Variants in RADIL observed in about 807,000 individuals in gnomAD.
The protein encoded by RADIL is Rap associating with DIL domain.
Under a neutral mutation model 97.6 loss-of-function variants are expected in RADIL, and 99 were observed. That is an observed-to-expected ratio of 1.01 (90% CI 0.86 to 1.20). The LOEUF is 1.20. Ranked by LOEUF, RADIL falls within the 50% of genes most tolerant of loss-of-function variation. RADIL has a pLI of 0.00. For synonymous variants in RADIL, 803 were observed against 691.8 expected, an observed-to-expected ratio of 1.16 and a Z score of -2.52; for missense variants, 1,765 against 1,498.9, an observed-to-expected ratio of 1.18 and a Z score of -2.93.
chr7:4,810,654 T>A (rs555883500), intron 9 of RADIL, among the ~76,000 whole-genome samples: 1 of 152,278 alleles, frequency 6.6e-6, no homozygotes, highest in Admixed American at 6.5e-5. Context: ...AGCATCTCCG[T>A]CGGGGAAATT....
Position 4,801,670 on chromosome 7 carries a change from C to A in RADIL, c.2825G>T (p.Arg942Leu). 1 of 1,601,226 alleles carries A rather than the reference C, an allele frequency of 6.2e-7. No homozygotes were observed. The highest frequency in any genetic ancestry group is 2.3e-5 in the East Asian group (1 of 44,200). ...GGGCTCACCTTCCGGAGCTGCACCC[C>A]GGAGGCCGCTGAGTCCGTTCCTCTG... The part of the protein sequence containing the change: ...ERQRNGLSGL[R>L]GAAPEGDSAA... The change falls in exon 12 of 15, where the codon CGG becomes CTG. Residue 942 changes from arginine (R) to leucine (L), a missense_variant. Coordinates refer to ENST00000399583, the MANE Select transcript of RADIL (RefSeq NM_018059.5).
At chr7:4,800,524 G>T (rs59386173) in intron 12 of RADIL, among the ~76,000 whole-genome samples, 16,378 of 152,168 alleles carry the variant, frequency 0.11, 1,275 homozygotes, top group African/African-American at 0.22. Flanking sequence ...CCCTGAGGGA[G>T]CACCTCAGTC....
chr7:4,850,409 A>G (rs929935893), intron 2 of RADIL, among the ~76,000 whole-genome samples: 2 of 152,186 alleles, frequency 1.3e-5, no homozygotes, highest in African/African-American at 4.8e-5. Context: ...GCATGGCAGA[A>G]GAGATTCTGC....
At chr7:4,812,701 T>A (rs1464976238) in intron 9 of RADIL, among the ~76,000 whole-genome samples, 3 of 152,094 alleles carry the variant, frequency 2.0e-5, no homozygotes, top group African/African-American at 7.2e-5. Context: ...GCATTACAGG[T>A]GTAAGCCACC....
intron 5 of RADIL, among the ~76,000 whole-genome samples, chr7:4,827,525 G>C (rs1783025776): frequency 6.6e-6 from 1 of 152,004 alleles, no homozygotes; most frequent in African/African-American, 2.4e-5. Context: ...GCCGGGCGTG[G>C]TTGCAGGCGC....
Position 4,799,402 on chromosome 7 carries a change from G to C in RADIL, c.3204C>G (p.Ile1068Met), listed in dbSNP as rs1334383039. The C allele has an allele frequency of 6.2e-7, 1 of 1,613,660 alleles. No homozygotes were observed. The highest frequency in any genetic ancestry group is 8.5e-7 in the Non-Finnish European group (1 of 1,179,978). ...CCTAGAGAGGGGGCGTGCGGAAATG[G>C]ATCTTCTTGGCTGTTTCCACGTCGG... ...AKSDVETAKKIHFRTPPL is the reference protein window; with the variant it reads ...AKSDVETAKKMHFRTPPL Residue 1068 changes from isoleucine (I) to methionine (M), a missense_variant, in exon 15 of 15, where the codon ATC becomes ATG. By Grantham distance (10) the Ile-to-Met change is conservative. Coordinates refer to ENST00000399583, the MANE Select transcript of RADIL (RefSeq NM_018059.5).
rs1261107635 is a variant in RADIL, at chr7:4,814,567, A to AG, written c.2139+710dup. ...GTGGTGAGTGGCTGACTGTGTTGGG[A>AG]GGGGGGTGGTGAGCAGCGAGGGAAG... On this transcript the variant is annotated intron_variant, in intron 9 of 14. Transcript: ENST00000399583. The surrounding 1 kb of genome is among the most constrained non-coding windows in gnomAD (Gnocchi z 4.5). Among the ~76,000 whole-genome samples the AG allele has an allele frequency of 7.1e-6, 1 of 139,982 alleles. No homozygotes were observed. Among genetic ancestry groups the AG allele is most frequent in the Non-Finnish European group, 1.6e-5 (1 of 63,780 alleles). The allele number at this position is 139,982 out of a possible 152,430, so 91.8% of individuals were successfully genotyped here. A position where few individuals can be genotyped will look rare whatever the true frequency, so the allele number is the denominator to read the frequency against.
In RADIL at chr7:4,873,561, GGCCTGCCCTGCAGGGGCAGA is replaced by G. The variant is rs1784302523; in HGVS notation, c.535+4024_535+4043del. Among the ~76,000 whole-genome samples, 1 of 152,182 alleles carries G rather than the reference GGCCTGCCCTGCAGGGGCAGA, an allele frequency of 6.6e-6. No individual in the cohort carries two copies. Among genetic ancestry groups the G allele is most frequent in the Admixed American group, 6.5e-5 (1 of 15,272 alleles). ...CCCTGGCGTGCGCTGGACCTCACTGGGCCTGCCCTGCAGGGGCAGATGTGATCCTGCCATCCCGCCGTCCT... is the reference window on the plus strand; with the variant it reads ...CCCTGGCGTGCGCTGGACCTCACTGGTGTGATCCTGCCATCCCGCCGTCCT... On this transcript the variant is annotated intron_variant, in intron 2 of 14. Coordinates refer to ENST00000399583, the MANE Select transcript of RADIL (RefSeq NM_018059.5). The surrounding 1 kb of genome is among the most constrained non-coding windows in gnomAD (Gnocchi z 4.3).
chr7:4,850,261 A>G (rs1471974334), intron 2 of RADIL, among the ~76,000 whole-genome samples: 2 of 148,788 alleles, frequency 1.3e-5, no homozygotes, highest in African/African-American at 5.0e-5. Context: ...AGAACCCTGT[A>G]TGTATGTATA....
chr7:4,856,526 GT>G (rs1472483260), intron 2 of RADIL, among the ~76,000 whole-genome samples: 3 of 152,100 alleles, frequency 2.0e-5, no homozygotes, highest in African/African-American at 7.2e-5. Flanking sequence ...CTGTTTTTCA[GT>G]TTTTTACTTT....
At chr7:4,800,025 C>T in intron 13 of RADIL, 146 bp downstream of exon 13, 4 of 1,287,008 alleles carry the variant, frequency 3.1e-6, no homozygotes, top group Non-Finnish European at 4.1e-6. Flanking sequence ...GCTGGGTTCC[C>T]CTCCCAGCTG....
intron 5 of RADIL, among the ~76,000 whole-genome samples, chr7:4,827,707 T>C (rs958084748): frequency 3.9e-5 from 6 of 151,984 alleles, no homozygotes; most frequent in African/African-American, 1.2e-4. Context: ...AAACCAATCT[T>C]CATTAAAGAA....
At position 4,800,187 on chromosome 7, in the gene RADIL, C is replaced by A; in HGVS notation, c.2966G>T (p.Gly989Val). 2 of 1,608,916 alleles carry A rather than the reference C, an allele frequency of 1.2e-6. No homozygotes were observed. Among genetic ancestry groups the A allele is most frequent in the South Asian group, 1.1e-5 (1 of 90,486 alleles). ...LERGPSGLGM[G>V]LIDGMHTHLG... ...GCCACTCACCATCCCGTCGATCAGGCCCATCCCCAGCCCGGAGGGGCCTCG... is the reference window on the plus strand; with the variant it reads ...GCCACTCACCATCCCGTCGATCAGGACCATCCCCAGCCCGGAGGGGCCTCG... The change falls in exon 13 of 15, where the codon GGC (glycine) becomes GTC (valine). Residue 989 changes from glycine to valine, a missense_variant. Coordinates refer to ENST00000399583, the MANE Select transcript of RADIL (RefSeq NM_018059.5).
At chr7:4,808,420 G>A (rs902118639) in intron 9 of RADIL, among the ~76,000 whole-genome samples, 7 of 152,024 alleles carry the variant, frequency 4.6e-5, no homozygotes, top group African/African-American at 1.7e-4. Flanking sequence ...CTTTCACTAA[G>A]CTTCTCCTTG....
Position 4,822,331 on chromosome 7 carries a change from G to A in RADIL, c.1615+63C>T. 6.6e-7 allele frequency: 1 copy of A among 1,524,106 alleles called. No individual in the cohort carries two copies. Among genetic ancestry groups the A allele is most frequent in the Admixed American group, 2.1e-5 (1 of 47,780 alleles). 94.4% of individuals were successfully genotyped at this position (1,524,106 alleles called of 1,614,324 possible). A position where few individuals can be genotyped will look rare whatever the true frequency, so the allele number is the denominator to read the frequency against. On this transcript the variant is annotated intron_variant, in intron 6 of 14. Transcript: ENST00000399583. This position sits in a 1 kb window ranked among gnomAD's most constrained non-coding sequence, Gnocchi z 5.3. Reference sequence around the variant, plus strand: ...CCAACTAGGTTCCGAGGACGGCGAGGAGATGCCACACTCCCCTGCCTGGGG... The same window carrying A: ...CCAACTAGGTTCCGAGGACGGCGAGAAGATGCCACACTCCCCTGCCTGGGG...
At chr7:4,832,300 G>A (rs919310777) in intron 4 of RADIL, 122 bp from the exon 5 acceptor site, 9 of 920,848 alleles carry the variant, frequency 9.8e-6, no homozygotes, top group South Asian at 4.3e-5. Context: ...CCTGTGTGAC[G>A]CTGACTATTT....
At position 4,799,566 on chromosome 7, in the gene RADIL, C is replaced by T; in HGVS notation, c.3122+64G>A. ...GTGCAGCCGGGCCTCTCCTTTACCCCAGGTCCACTCCCCTGAGCAGGGCAT... is the reference window on the plus strand; with the variant it reads ...GTGCAGCCGGGCCTCTCCTTTACCCTAGGTCCACTCCCCTGAGCAGGGCAT... On this transcript the variant is annotated intron_variant, in intron 14 of 14. Transcript: ENST00000399583. 7 of 1,610,200 alleles carry T rather than the reference C, an allele frequency of 4.3e-6. No homozygotes were observed. In the South Asian group the frequency reaches 7.7e-5, roughly 18 times the overall value.
At position 4,860,865 on chromosome 7, in the gene RADIL, T is replaced by C. The variant is rs750372901; in HGVS notation, c.535+16740A>G. On this transcript the variant is annotated intron_variant, in intron 2 of 14. Coordinates refer to ENST00000399583, the MANE Select transcript of RADIL (RefSeq NM_018059.5). The stretch of plus-strand genomic sequence containing the variant: ...TGCTGTGGGTATGCTGGTGTGATGA[T>C]AGGCATAAGATGGTACCTATCACTG... The C allele has an allele frequency of 8.1e-6, 13 of 1,614,168 alleles. No homozygotes were observed. The highest frequency in any genetic ancestry group is 2.2e-5 in the South Asian group (2 of 91,082).
chr7:4,861,446 G>C (rs1562454782), intron 2 of RADIL: 1 of 1,613,974 alleles, frequency 6.2e-7, no homozygotes, highest in Non-Finnish European at 8.5e-7. Context: ...CACATGACTT[G>C]GTGCAACGCA....
Sources: gnomAD v4.1 joint callset for allele counts (sites outside exome capture counted in the v4.1 genomes callset) on GRCh38, gnomAD v4.1.1 for gene constraint, Gnocchi (gnomAD v3.1) non-coding constraint, MANE v1.5 for transcripts, NCBI Gene and HGNC (gene_info 2026-07-23, HGNC 2026-07-21) for gene names.